The following SGCZ variants were observed in gnomAD, a reference collection of about 807,000 sequenced individuals.
SGCZ encodes zeta-sarcoglycan.
Under a neutral mutation model 41.3 loss-of-function variants are expected in SGCZ, and 40 were observed. That is an observed-to-expected ratio of 0.97 (90% CI 0.75 to 1.26). The LOEUF (loss-of-function observed/expected upper bound fraction) is 1.26. Among genes scored for constraint, SGCZ ranks in the 50% most tolerant of loss-of-function variants. The pLI is 0.00. For missense variants in SGCZ, 552 were observed against 369.8 expected (o/e 1.49, Z -4.04); for synonymous variants, 206 against 137.5 (o/e 1.50, Z -3.49).
At chr8:14,381,630 T>C (rs1290060154) in intron 2 of SGCZ, among the ~76,000 whole-genome samples, 3 of 150,794 alleles carry the variant, frequency 2.0e-5, no homozygotes, top group East Asian at 2.0e-4. Context: ...AAATGAAAAA[T>C]TGGCTGGGTG....
rs544175267 is a variant in SGCZ, at chr8:14,873,486, G to A, written c.40-318560C>T. ...ATTACTTTATTTGTAAGGTGGGGTT[G>A]ATGGAAACTTGAAAGTGTTCTTTAA... On this transcript the variant is annotated intron_variant, in intron 1 of 7. Coordinates refer to ENST00000382080, the MANE Select transcript of SGCZ (RefSeq NM_139167.4). 2.6e-5 allele frequency among the ~76,000 whole-genome samples: 4 copies of A among 152,222 alleles called. No individual in the cohort carries two copies. The East Asian group carries it at 5.8e-4, about 22-fold the overall frequency.
intron 1 of SGCZ, among the ~76,000 whole-genome samples, chr8:15,017,823 T>G (rs1306095620): frequency 6.6e-6 from 1 of 152,104 alleles, no homozygotes; most frequent in African/African-American, 2.4e-5. Context: ...CACTTAAAGT[T>G]TATTTAGTTG....
chr8:14,818,957 A>T (rs1426453844), intron 1 of SGCZ, among the ~76,000 whole-genome samples: 1 of 152,104 alleles, frequency 6.6e-6, no homozygotes, highest in Non-Finnish European at 1.5e-5. Flanking sequence ...GTTGTAGAAG[A>T]GATAGAAAAA....
chr8:15,073,066 A>G (rs1805411951), intron 1 of SGCZ, among the ~76,000 whole-genome samples: 1 of 152,122 alleles, frequency 6.6e-6, no homozygotes, highest in Non-Finnish European at 1.5e-5. Flanking sequence ...GGTTTCCTGT[A>G]TACTGATCAC....
chr8:14,228,874 T>C (rs1806464956), intron 4 of SGCZ, among the ~76,000 whole-genome samples: 1 of 152,156 alleles, frequency 6.6e-6, no homozygotes, highest in Non-Finnish European at 1.5e-5. Flanking sequence ...CATTGACATA[T>C]AGGCATGAAT....
chr8:14,478,584 T>C (rs1801429651), intron 2 of SGCZ, among the ~76,000 whole-genome samples: 1 of 136,498 alleles, frequency 7.3e-6, no homozygotes, highest in Non-Finnish European at 1.5e-5. Flanking sequence ...AGTGAAACGC[T>C]ACTGTAAAAG....
chr8:14,964,322 T>A (rs1359320766), intron 1 of SGCZ, among the ~76,000 whole-genome samples: 3 of 152,192 alleles, frequency 2.0e-5, no homozygotes, highest in Admixed American at 2.0e-4. Flanking sequence ...AGCCTCCGCA[T>A]ACAAATTTGA....
intron 2 of SGCZ, among the ~76,000 whole-genome samples, chr8:14,480,219 T>C (rs1801498068): frequency 6.6e-6 from 1 of 152,246 alleles, no homozygotes; most frequent in African/African-American, 2.4e-5. Flanking sequence ...ACTTTATGTA[T>C]GAATAAAGTA....
Position 14,598,871 on chromosome 8 carries a change from C to A in SGCZ, c.40-43945G>T, listed in dbSNP as rs75145599. Among the ~76,000 whole-genome samples the A allele has an allele frequency of 1.1e-3, 166 of 152,204 alleles. 3 individuals carry two copies. In the East Asian group the frequency reaches 0.024, roughly 22 times the overall value. ...ATTAGACACTCCTATCTTTCCATTG[C>A]AATCATTTAGGGAACTCCAGGCAAT... is the stretch of plus-strand genomic sequence containing the variant. On this transcript the variant is annotated intron_variant, in intron 1 of 7. Transcript: ENST00000382080.
At chr8:14,378,768 G>A (rs1039151163) in intron 2 of SGCZ, among the ~76,000 whole-genome samples, 5 of 152,070 alleles carry the variant, frequency 3.3e-5, no homozygotes, top group African/African-American at 7.2e-5. Context: ...AATAGTGTCA[G>A]AATTAAATTA....
intron 2 of SGCZ, among the ~76,000 whole-genome samples, chr8:14,429,541 G>T (rs1321812739): frequency 6.6e-6 from 1 of 152,184 alleles, no homozygotes; most frequent in South Asian, 2.1e-4. Flanking sequence ...CAGTTGAAGA[G>T]TAGCCCCCAA....
At chr8:14,376,315 A>G (rs890047798) in intron 2 of SGCZ, among the ~76,000 whole-genome samples, 1 of 151,466 alleles carries the variant, frequency 6.6e-6, no homozygotes, top group East Asian at 1.9e-4. Flanking sequence ...AATCTCAAAA[A>G]AATAAAATAA....
chr8:14,412,044 C>T (rs750069851), intron 2 of SGCZ, among the ~76,000 whole-genome samples: 3 of 152,088 alleles, frequency 2.0e-5, no homozygotes, highest in Non-Finnish European at 2.9e-5. Context: ...TATGACCATC[C>T]TTCCCATAAA....
At chr8:14,150,895 C>T (rs1397605092) in intron 5 of SGCZ, among the ~76,000 whole-genome samples, 1 of 152,098 alleles carries the variant, frequency 6.6e-6, no homozygotes, top group Non-Finnish European at 1.5e-5. Flanking sequence ...AACTGGAGAT[C>T]ACTGTGTTAA....
chr8:15,092,992 T>C (rs1053468812), intron 1 of SGCZ, among the ~76,000 whole-genome samples: 1 of 152,200 alleles, frequency 6.6e-6, no homozygotes, highest in Admixed American at 6.5e-5. Context: ...ATATGACAAA[T>C]ACACGCTTTT....
intron 1 of SGCZ, among the ~76,000 whole-genome samples, chr8:14,960,953 ACACACACACACT>A (rs1007520959): frequency 1.3e-5 from 2 of 148,152 alleles, no homozygotes; most frequent in Non-Finnish European, 3.0e-5. Context: ...ACACACACAC[ACACACACACACT>A]CACTCAAGCA....
At chr8:14,117,370 T>TAAATTG in intron 5 of SGCZ, among the ~76,000 whole-genome samples, 1 of 134,126 alleles carries the variant, frequency 7.5e-6, no homozygotes, top group Non-Finnish European at 1.6e-5. Flanking sequence ...TTTTTTTTTT[T>TAAATTG]TGAGAAAGCT....
At chr8:14,466,610 C>T (rs1366664401) in intron 2 of SGCZ, among the ~76,000 whole-genome samples, 1 of 151,688 alleles carries the variant, frequency 6.6e-6, no homozygotes, top group Non-Finnish European at 1.5e-5. Context: ...GATGGTTTCC[C>T]TCATGTTCCT....
intron 1 of SGCZ, among the ~76,000 whole-genome samples, chr8:14,775,266 C>A (rs1800367475): frequency 2.0e-5 from 3 of 151,908 alleles, no homozygotes; most frequent in Admixed American, 6.6e-5. Flanking sequence ...GAGTGTAGAG[C>A]CCAGAACAAA....
Sources: gnomAD v4.1 joint callset for allele counts (sites outside exome capture counted in the v4.1 genomes callset) on GRCh38, gnomAD v4.1.1 for gene constraint, MANE v1.5 for transcripts, NCBI Gene and HGNC (gene_info 2026-07-23, HGNC 2026-07-21) for gene names.